Variants in PARD3 observed in about 807,000 individuals in gnomAD.
PARD3 encodes the protein par-3 family cell polarity regulator.
Under a neutral mutation model 155.4 loss-of-function variants are expected in PARD3, and 75 were observed. That is an observed-to-expected ratio of 0.48 (90% CI 0.40 to 0.58). PARD3 has a LOEUF of 0.58. Ranked by LOEUF, PARD3 falls within the 20% of genes least tolerant of loss-of-function variation. The pLI is 0.00. For missense variants in PARD3, 1,642 were observed against 1,721.7 expected (o/e 0.95, Z 0.82); for synonymous variants, 576 against 610.5 (o/e 0.94, Z 0.83).
At chr10:34,695,349 C>T (rs1465305796) in intron 2 of PARD3, among the ~76,000 whole-genome samples, 1 of 152,004 alleles carries the variant, frequency 6.6e-6, no homozygotes, top group African/African-American at 2.4e-5. Flanking sequence ...GTGGTGCACG[C>T]CTATAATCCC....
chr10:34,657,436 C>T (rs988603131), intron 2 of PARD3, among the ~76,000 whole-genome samples: 2 of 152,118 alleles, frequency 1.3e-5, no homozygotes. Context: ...CACCTGATAA[C>T]CATTTATTCT....
At chr10:34,171,581 C>A (rs976157810) in intron 22 of PARD3, among the ~76,000 whole-genome samples, 2 of 152,086 alleles carry the variant, frequency 1.3e-5, no homozygotes, top group African/African-American at 4.8e-5. Flanking sequence ...GGTCCTCCTA[C>A]CCCTCCTGTC....
At chr10:34,178,269 C>A (rs970169081) in intron 22 of PARD3, among the ~76,000 whole-genome samples, 3 of 152,230 alleles carry the variant, frequency 2.0e-5, no homozygotes, top group South Asian at 4.1e-4. Flanking sequence ...AAGTTGGCTT[C>A]TTTTATTCAT....
At chr10:34,330,414 A>G (rs1189244888) in intron 19 of PARD3, among the ~76,000 whole-genome samples, 1 of 152,156 alleles carries the variant, frequency 6.6e-6, no homozygotes, top group African/African-American at 2.4e-5. Flanking sequence ...TTGGCTTTAA[A>G]TATTTTGCAA....
Position 34,479,352 on chromosome 10 carries a change from A to G in PARD3, c.404-9089T>C, listed in dbSNP as rs554884736. 8.6e-5 allele frequency among the ~76,000 whole-genome samples: 13 copies of G among 151,930 alleles called. No individual in the cohort carries two copies. The South Asian group carries it at 1.0e-3, about 12-fold the overall frequency. On this transcript the variant is annotated intron_variant, in intron 3 of 24. Transcript: ENST00000374788. The stretch of plus-strand genomic sequence containing the variant: ...AATTTTTTGTATTTTTAGTAGAGAC[A>G]GGGTTTCACTGTGTTAGCCAGAATG...
chr10:34,284,630 T>C (rs761151600), intron 20 of PARD3, among the ~76,000 whole-genome samples: 4 of 152,192 alleles, frequency 2.6e-5, no homozygotes, highest in African/African-American at 9.7e-5. Context: ...GACTAAAGAA[T>C]GATAATCCAC....
At chr10:34,343,284 T>C (rs574751278) in intron 15 of PARD3, 2 of 866,236 alleles carry the variant, frequency 2.3e-6, no homozygotes, top group African/African-American at 3.7e-5. Context: ...AGTATAATCA[T>C]AGTGCATTCA....
intron 22 of PARD3, among the ~76,000 whole-genome samples, chr10:34,155,799 G>A (rs1246138180): frequency 1.3e-5 from 2 of 151,974 alleles, no homozygotes; most frequent in South Asian, 4.2e-4. Context: ...CTGACCATGG[G>A]GGGTCATGCA....
chr10:34,219,065 C>T (rs1952150161), intron 22 of PARD3, among the ~76,000 whole-genome samples: 1 of 152,166 alleles, frequency 6.6e-6, no homozygotes, highest in South Asian at 2.1e-4. Context: ...GCTAAAAAGT[C>T]AAAATCCTTT....
chr10:34,686,898 A>C (rs983776984), intron 2 of PARD3, among the ~76,000 whole-genome samples: 11 of 151,730 alleles, frequency 7.2e-5, no homozygotes, highest in Admixed American at 7.2e-4. Flanking sequence ...AAAATACAAA[A>C]ATTAGCTGGG....
At chr10:34,454,249 T>C (rs2077214108) in intron 4 of PARD3, among the ~76,000 whole-genome samples, 1 of 152,152 alleles carries the variant, frequency 6.6e-6, no homozygotes, top group African/African-American at 2.4e-5. Flanking sequence ...GTGTATCAAG[T>C]GCATACAAGG....
chr10:34,561,478 A>G (rs946423447), intron 2 of PARD3, among the ~76,000 whole-genome samples: 10 of 152,002 alleles, frequency 6.6e-5, no homozygotes, highest in African/African-American at 2.4e-4. Flanking sequence ...TTTCCACAAC[A>G]GATGTCTTAG....
intron 20 of PARD3, among the ~76,000 whole-genome samples, chr10:34,295,361 A>T (rs373290128): frequency 6.6e-6 from 1 of 152,174 alleles, no homozygotes; most frequent in African/African-American, 2.4e-5. Flanking sequence ...ATAGTTCAAC[A>T]AGCGTCCAAA....
At chr10:34,359,705 G>A (rs1414367735) in intron 13 of PARD3, among the ~76,000 whole-genome samples, 2 of 152,172 alleles carry the variant, frequency 1.3e-5, no homozygotes, top group Non-Finnish European at 2.9e-5. Flanking sequence ...CAAATGGCCA[G>A]GAAATTTTCT....
At chr10:34,124,077 GTA>G (rs951739333) in intron 23 of PARD3, among the ~76,000 whole-genome samples, 1 of 152,068 alleles carries the variant, frequency 6.6e-6, no homozygotes, top group East Asian at 1.9e-4. Flanking sequence ...GTGTGCACGT[GTA>G]TATATATATC....
chr10:34,464,319 A>G (rs535339073), intron 4 of PARD3, among the ~76,000 whole-genome samples: 1 of 152,096 alleles, frequency 6.6e-6, no homozygotes, highest in Non-Finnish European at 1.5e-5. Flanking sequence ...GGAACTCAGG[A>G]ATAGTACCAG....
At chr10:34,580,363 A>T (rs1007307191) in intron 2 of PARD3, among the ~76,000 whole-genome samples, 8 of 152,090 alleles carry the variant, frequency 5.3e-5, no homozygotes, top group Admixed American at 1.3e-4. Context: ...CTAGAAAAAA[A>T]AAATAAAAAG....
At chr10:34,557,195 C>CT (rs2031698997) in intron 2 of PARD3, among the ~76,000 whole-genome samples, 1 of 152,142 alleles carries the variant, frequency 6.6e-6, no homozygotes, top group East Asian at 1.9e-4. Flanking sequence ...GTGTGCTCAT[C>CT]TCCGAGTATG....
chr10:34,644,247 G>A (rs1590377203), intron 2 of PARD3, among the ~76,000 whole-genome samples: 1 of 152,140 alleles, frequency 6.6e-6, no homozygotes, highest in Admixed American at 6.6e-5. Flanking sequence ...GGAGACATCT[G>A]CCCTGCAGCT....
Sources: allele counts gnomAD v4.1 joint callset (sites outside exome capture counted in the v4.1 genomes callset), GRCh38; gene constraint gnomAD v4.1.1; transcripts MANE v1.5; gene names NCBI Gene and HGNC (gene_info 2026-07-23, HGNC 2026-07-21).